The following KIF26B variants were observed in gnomAD, a reference collection of about 807,000 sequenced individuals.
KIF26B encodes kinesin family member 26B.
In KIF26B, 63 loss-of-function variants were observed where a neutral mutation model predicts 151.2. That is an observed-to-expected ratio of 0.42 (90% CI 0.34 to 0.51). The LOEUF is 0.51. KIF26B is among the 20% of genes least tolerant of loss of function. The pLI is 0.07. For synonymous variants in KIF26B, 1,357 were observed against 1,262.1 expected, an observed-to-expected ratio of 1.08 and a Z score of -1.59; for missense variants, 2,813 against 2,913.6, an observed-to-expected ratio of 0.97 and a Z score of 0.79.
At chr1:245,457,506 C>A (rs1218209723) in intron 4 of KIF26B, among the ~76,000 whole-genome samples, 1 of 152,102 alleles carries the variant, frequency 6.6e-6, no homozygotes, top group Admixed American at 6.6e-5. Flanking sequence ...CTTAATGTTT[C>A]GGCACTTTTT....
intron 9 of KIF26B, among the ~76,000 whole-genome samples, chr1:245,640,121 T>TTCTCTCTCTCTCTC (rs1330605983): frequency 2.6e-5 from 1 of 38,666 alleles, no homozygotes; most frequent in Non-Finnish European, 4.9e-5. Context: ...TACTAATATT[T>TTCTCTCTCTCTCTC]GCTCTCTCTC....
At chr1:245,669,833 A>G (rs1190751278) in intron 10 of KIF26B, among the ~76,000 whole-genome samples, 1 of 152,180 alleles carries the variant, frequency 6.6e-6, no homozygotes, top group Non-Finnish European at 1.5e-5. Flanking sequence ...AGGTTACCCA[A>G]AAGAATGGAA....
rs1195963801 is a variant in KIF26B at position 245,684,250 on chromosome 1, T to C, written c.2276T>C (p.Met759Thr). 6.8e-6 allele frequency: 11 copies of C among 1,613,374 alleles called. No individual in the cohort carries two copies. The highest frequency in any genetic ancestry group is 9.3e-6 in the Non-Finnish European group (11 of 1,179,460). Reference sequence around the variant, plus strand: ...TTTGGCAGAGAGAGCAAGCTCGCCATGTTGCTGCGGGAGTCTCTGGGGAAC... The same window carrying C: ...TTTGGCAGAGAGAGCAAGCTCGCCACGTTGCTGCGGGAGTCTCTGGGGAAC... The part of the protein sequence containing the change: ...HIPYKESKLA[M>T]LLRESLGNMN... Residue 759 changes from methionine to threonine, a missense_variant, in exon 11 of 15, where the codon ATG (methionine) becomes ACG (threonine). Physicochemically the swap from Met to Thr is moderately conservative, Grantham distance 81. This residue lies in a region of KIF26B where 2,060 missense variants were observed against 2,088.6 expected (regional missense o/e 0.99). Transcript: ENST00000407071.
chr1:245,329,383 A>G (rs984433327), intron 2 of KIF26B, among the ~76,000 whole-genome samples: 9 of 152,246 alleles, frequency 5.9e-5, no homozygotes, highest in African/African-American at 2.2e-4. Context: ...GGAAGGGCAG[A>G]GTGGACTTAC....
At chr1:245,305,865 T>G (rs564705762) in intron 2 of KIF26B, among the ~76,000 whole-genome samples, 141 of 126,380 alleles carry the variant, frequency 1.1e-3, no homozygotes, top group Admixed American at 2.9e-3. Context: ...TTGAACCCGG[T>G]AGGCAGAGCT....
rs199796157 is a variant in KIF26B, at chr1:245,401,951, A to G, written c.1000-17628A>G. On this transcript the variant is annotated intron_variant, in intron 3 of 14. Coordinates refer to ENST00000407071, the MANE Select transcript of KIF26B (RefSeq NM_018012.4). The stretch of plus-strand genomic sequence containing the variant: ...CCCCGAAACAGCAACAACAACAACA[A>G]AAAAAACACCCCACTGCAAATAGCA... 2.8e-4 allele frequency among the ~76,000 whole-genome samples: 42 copies of G among 152,214 alleles called. No individual in the cohort carries two copies. The East Asian group carries it at 6.0e-3, about 22-fold the overall frequency.
chr1:245,184,043 A>AGTT lies in KIF26B; in HGVS notation c.465+27367_465+27369dup, dbSNP rs200362852. Among the ~76,000 whole-genome samples the AGTT allele has an allele frequency of 8.4e-3, 165 of 19,566 alleles. 5 individuals are homozygous for AGTT. The highest frequency in any genetic ancestry group is 0.071 in the Middle Eastern group (2 of 28). The allele number at this position is 19,566 out of a possible 152,430, so 12.8% of individuals were successfully genotyped here. On this transcript the variant is annotated intron_variant, in intron 2 of 14. Transcript: ENST00000407071. ...ACCTCCTGCAACAGGTATGGGTGGG[A>AGTT]GTTGTTGTTTTTTTTTTTTTTTTTT... is the stretch of plus-strand genomic sequence containing the variant.
chr1:245,580,975 G>A (rs961392411), intron 5 of KIF26B, among the ~76,000 whole-genome samples: 1 of 152,246 alleles, frequency 6.6e-6, no homozygotes, highest in African/African-American at 2.4e-5. Context: ...GCAGACCCGA[G>A]ACAAGGGTTT....
intron 2 of KIF26B, among the ~76,000 whole-genome samples, chr1:245,279,639 T>C (rs775573416): frequency 6.6e-6 from 1 of 152,010 alleles, no homozygotes; most frequent in Non-Finnish European, 1.5e-5. Flanking sequence ...CACTTTGAGG[T>C]TTAGGGGCTA....
At chr1:245,621,836 G>A (rs927213899) in intron 9 of KIF26B, among the ~76,000 whole-genome samples, 2 of 152,218 alleles carry the variant, frequency 1.3e-5, no homozygotes, top group South Asian at 2.1e-4. Flanking sequence ...CAATAGGCAC[G>A]GAGCAGAGAG....
At chr1:245,530,980 TG>T (rs1292199942) in intron 4 of KIF26B, among the ~76,000 whole-genome samples, 12 of 152,324 alleles carry the variant, frequency 7.9e-5, no homozygotes, top group African/African-American at 1.4e-4. Flanking sequence ...TCTGTGTATG[TG>T]GGGGGAGGTT....
At chr1:245,271,875 G>A (rs1317789440) in intron 2 of KIF26B, among the ~76,000 whole-genome samples, 1 of 152,160 alleles carries the variant, frequency 6.6e-6, no homozygotes, top group East Asian at 1.9e-4. Context: ...CAAAAAACAA[G>A]TTTGGAAGTG....
At chr1:245,295,597 C>T (rs763962994) in intron 2 of KIF26B, among the ~76,000 whole-genome samples, 8 of 152,146 alleles carry the variant, frequency 5.3e-5, no homozygotes, top group East Asian at 1.9e-4. Context: ...GAGATGTTGA[C>T]GCATTTGCAC....
intron 2 of KIF26B, chr1:245,225,999 C>T (rs187395324): frequency 1.3e-5 from 2 of 152,300 alleles, no homozygotes; most frequent in East Asian, 3.9e-4. Context: ...CAAAATAGAG[C>T]AATTGTTGAG....
Position 245,512,616 on chromosome 1 carries a change from G to A in KIF26B, c.1167-28151G>A, listed in dbSNP as rs371630543. 3.9e-5 allele frequency among the ~76,000 whole-genome samples: 6 copies of A among 152,142 alleles called. 1 individual carries two copies. The highest frequency in any genetic ancestry group is 2.6e-4 in the Admixed American group (4 of 15,276). ...CAAATGAAATCCCCAAACTCCACTC[G>A]GATTCCTGCTGGCCAAATGCACCTA... On this transcript the variant is annotated intron_variant, in intron 4 of 14. Transcript: ENST00000407071. The surrounding 1 kb of genome is among the most constrained non-coding windows in gnomAD (Gnocchi z 4.3).
intron 4 of KIF26B, among the ~76,000 whole-genome samples, chr1:245,498,819 C>T (rs1006572966): frequency 5.3e-5 from 8 of 152,162 alleles, no homozygotes; most frequent in African/African-American, 1.9e-4. Context: ...GAGGAGGCAA[C>T]GAGGCTAGTC....
At chr1:245,672,462 G>A (rs905236569) in intron 10 of KIF26B, among the ~76,000 whole-genome samples, 1 of 152,202 alleles carries the variant, frequency 6.6e-6, no homozygotes, top group African/African-American at 2.4e-5. Context: ...ACAGGGTGAT[G>A]TTACCACGCA....
chr1:245,314,216 G>A (rs1481812906), intron 2 of KIF26B, among the ~76,000 whole-genome samples: 2 of 152,176 alleles, frequency 1.3e-5, no homozygotes, highest in Non-Finnish European at 2.9e-5. Context: ...GGGAGGCCTA[G>A]GCAGGTGGAT....
At chr1:245,634,240 A>G (rs929487948) in intron 9 of KIF26B, among the ~76,000 whole-genome samples, 4 of 152,220 alleles carry the variant, frequency 2.6e-5, no homozygotes, top group African/African-American at 4.8e-5. Context: ...TGTGGATTGC[A>G]TCCATTAGAT....
Sources: gnomAD v4.1 joint callset for allele counts (sites outside exome capture counted in the v4.1 genomes callset) on GRCh38, gnomAD v4.1.1 for gene constraint, gnomAD v4.1.1 regional missense constraint, Gnocchi (gnomAD v3.1) non-coding constraint, MANE v1.5 for transcripts, NCBI Gene and HGNC (gene_info 2026-07-23, HGNC 2026-07-21) for gene names.